Variants in CCSER1 observed in about 807,000 individuals in gnomAD.
CCSER1 encodes serine-rich coiled-coil domain-containing protein 1.
CCSER1 carries 41 observed loss-of-function variants against 82.0 expected under a neutral mutation model. That is an observed-to-expected ratio of 0.50 (90% confidence interval 0.39 to 0.65). The LOEUF (loss-of-function observed/expected upper bound fraction) is 0.65, where lower values mean the gene tolerates loss of function less well. CCSER1 is among the 30% of genes least tolerant of loss of function. The pLI is 0.00. For missense variants in CCSER1, 1,119 were observed against 1,064.2 expected, an observed-to-expected ratio of 1.05 and a Z score of -0.72; for synonymous variants, 414 against 383.9, an observed-to-expected ratio of 1.08 and a Z score of -0.92.
chr4:91,080,847 C>T (rs561072736), intron 9 of CCSER1, among the ~76,000 whole-genome samples: 1 of 152,272 alleles, frequency 6.6e-6, no homozygotes, highest in East Asian at 1.9e-4. Flanking sequence ...GACACATACA[C>T]CCTCCCAAGA....
intron 3 of CCSER1, among the ~76,000 whole-genome samples, chr4:90,378,821 T>A (rs1487731247): frequency 6.6e-6 from 1 of 152,210 alleles, no homozygotes; most frequent in Non-Finnish European, 1.5e-5. Context: ...AATTGAGACA[T>A]GAATTCTTCT....
chr4:91,055,739 T>C (rs1364490546), intron 9 of CCSER1, among the ~76,000 whole-genome samples: 1 of 148,054 alleles, frequency 6.8e-6, no homozygotes, highest in Admixed American at 6.8e-5. Flanking sequence ...TCCCTTCCCC[T>C]CTGCCCCTCT....
chr4:91,551,865 C>T (rs1193285405), intron 10 of CCSER1, among the ~76,000 whole-genome samples: 2 of 151,654 alleles, frequency 1.3e-5, no homozygotes, highest in East Asian at 1.9e-4. Flanking sequence ...AACTTCTTTC[C>T]TTTTAGTGTG....
At chr4:91,147,192 G>T (rs1242981699) in intron 10 of CCSER1, among the ~76,000 whole-genome samples, 1 of 152,192 alleles carries the variant, frequency 6.6e-6, no homozygotes, top group Non-Finnish European at 1.5e-5. Context: ...GTGAGGGAAC[G>T]CCAGGCAGGG....
chr4:91,535,055 TA>T (rs879890303), intron 10 of CCSER1, among the ~76,000 whole-genome samples: 1 of 151,900 alleles, frequency 6.6e-6, no homozygotes, highest in Non-Finnish European at 1.5e-5. Flanking sequence ...GTTACATGTG[TA>T]AGTATAAATT....
At chr4:91,551,527 C>T (rs1052240675) in intron 10 of CCSER1, among the ~76,000 whole-genome samples, 4 of 152,020 alleles carry the variant, frequency 2.6e-5, no homozygotes, top group Admixed American at 2.0e-4. Flanking sequence ...CCAATAGAGA[C>T]TTCCAAAGAC....
chr4:90,418,115 T>G (rs1419606931), intron 4 of CCSER1, among the ~76,000 whole-genome samples: 1 of 152,162 alleles, frequency 6.6e-6, no homozygotes, highest in African/African-American at 2.4e-5. Context: ...TTTAATCTTT[T>G]GCAGCTTTTC....
At chr4:90,238,670 A>C (rs1326413667) in intron 1 of CCSER1, among the ~76,000 whole-genome samples, 2 of 152,108 alleles carry the variant, frequency 1.3e-5, no homozygotes, top group African/African-American at 4.8e-5. Context: ...TCGTGCGCAC[A>C]TACACACACA....
At chr4:90,914,879 A>G (rs550460327) in intron 8 of CCSER1, among the ~76,000 whole-genome samples, 2 of 152,324 alleles carry the variant, frequency 1.3e-5, no homozygotes, top group East Asian at 1.9e-4. Context: ...AGAGAATACC[A>G]TAAACACCTC....
At chr4:90,672,174 T>C (rs527484569) in intron 6 of CCSER1, among the ~76,000 whole-genome samples, 4 of 152,044 alleles carry the variant, frequency 2.6e-5, no homozygotes, top group Non-Finnish European at 5.9e-5. Flanking sequence ...CTCAGCTGTG[T>C]TAGCCTCCAA....
At chr4:91,495,934 T>C (rs1354905111) in intron 10 of CCSER1, among the ~76,000 whole-genome samples, 1 of 151,556 alleles carries the variant, frequency 6.6e-6, no homozygotes, top group African/African-American at 2.4e-5. Flanking sequence ...AGCATAAACA[T>C]TTGAATCCTG....
chr4:90,551,811 G>T (rs183505726), intron 5 of CCSER1, among the ~76,000 whole-genome samples: 1 of 149,414 alleles, frequency 6.7e-6, no homozygotes, highest in African/African-American at 2.5e-5. Context: ...TTTTCCCTTT[G>T]TCTTAGTCTG....
chr4:90,404,652 C>T (rs1753441538), intron 4 of CCSER1, among the ~76,000 whole-genome samples: 1 of 152,154 alleles, frequency 6.6e-6, no homozygotes, highest in African/African-American at 2.4e-5. Flanking sequence ...TGCTAGTATC[C>T]AGGTCTGAAA....
At chr4:91,064,155 G>A (rs543499209) in intron 9 of CCSER1, among the ~76,000 whole-genome samples, 47 of 152,230 alleles carry the variant, frequency 3.1e-4, no homozygotes, top group African/African-American at 1.1e-3. Context: ...AATTTTTTCT[G>A]TGTAACATTG....
intron 5 of CCSER1, among the ~76,000 whole-genome samples, chr4:90,509,528 A>G (rs560814919): frequency 6.6e-6 from 1 of 152,278 alleles, no homozygotes; most frequent in East Asian, 1.9e-4. Flanking sequence ...TTTTATAACT[A>G]TGTGAAATGC....
At chr4:90,533,932 A>G (rs1278773922) in intron 5 of CCSER1, among the ~76,000 whole-genome samples, 1 of 152,222 alleles carries the variant, frequency 6.6e-6, no homozygotes, top group Non-Finnish European at 1.5e-5. Flanking sequence ...AGGTGCTTTA[A>G]CAAAGAATAT....
At chr4:91,233,543 T>C (rs935081453) in intron 10 of CCSER1, among the ~76,000 whole-genome samples, 1 of 151,972 alleles carries the variant, frequency 6.6e-6, no homozygotes, top group African/African-American at 2.4e-5. Flanking sequence ...ATTAACAAGA[T>C]AAACCATTAA....
At chr4:90,944,439 A>C (rs1731988794) in intron 9 of CCSER1, among the ~76,000 whole-genome samples, 1 of 152,152 alleles carries the variant, frequency 6.6e-6, no homozygotes. Context: ...ATGACACTTA[A>C]GGAACTCAGA....
intron 10 of CCSER1, among the ~76,000 whole-genome samples, chr4:91,194,587 C>T (rs1248706102): frequency 2.0e-5 from 3 of 152,100 alleles, no homozygotes; most frequent in Non-Finnish European, 2.9e-5. Context: ...CACAGTCAAT[C>T]ATGTCACATA....
Sources: allele counts gnomAD v4.1 joint callset (sites outside exome capture counted in the v4.1 genomes callset), GRCh38; gene constraint gnomAD v4.1.1; transcripts MANE v1.5; gene names NCBI Gene and HGNC (gene_info 2026-07-23, HGNC 2026-07-21).